The following KIAA0319 variants were observed in gnomAD, a reference collection of about 807,000 sequenced individuals.
KIAA0319 encodes the protein dyslexia-associated protein KIAA0319.
Under a neutral mutation model 108.4 loss-of-function variants are expected in KIAA0319, and 83 were observed. The observed-to-expected ratio is 0.77, with a 90% CI of 0.64 to 0.92. The LOEUF (loss-of-function observed/expected upper bound fraction) is 0.92. Ranked by LOEUF, KIAA0319 falls within the 40% of genes least tolerant of loss-of-function variation. KIAA0319 has a pLI of 0.00. For synonymous variants in KIAA0319, 484 were observed against 510.4 expected, an observed-to-expected ratio of 0.95 and a Z score of 0.70; for missense variants, 1,195 against 1,322.4, an observed-to-expected ratio of 0.90 and a Z score of 1.49.
rs1254375099 is a variant in KIAA0319, at chr6:24,609,866, CAACA to C, written c.-105-8662_-105-8659del. ...ATAGTCTTTTCAACAAATGATGCCA[CAACA>C]AACAGATACCAACATGCAAAAGAAT... On this transcript the variant is annotated intron_variant, in intron 1 of 20. Coordinates refer to ENST00000378214, the MANE Select transcript of KIAA0319 (RefSeq NM_014809.4). Among the ~76,000 whole-genome samples the C allele has an allele frequency of 2.0e-5, 3 of 152,170 alleles. No homozygotes were observed. The South Asian group carries it at 6.2e-4, about 32-fold the overall frequency.
At chr6:24,542,050 G>A (rs1760211583), downstream of KIAA0319, among the ~76,000 whole-genome samples, 1 of 152,198 alleles carries the variant, frequency 6.6e-6, no homozygotes, top group East Asian at 1.9e-4. Flanking sequence ...TGAGGCACAA[G>A]AATCACTTGA....
At chr6:24,542,368 A>C (rs1482663857), downstream of KIAA0319, among the ~76,000 whole-genome samples, 3 of 152,262 alleles carry the variant, frequency 2.0e-5, no homozygotes, top group African/African-American at 7.2e-5. Context: ...ATGTGAACAA[A>C]TATGAACTTG....
At chr6:24,557,528 T>C (rs1488270751) in intron 17 of KIAA0319, among the ~76,000 whole-genome samples, 1 of 152,174 alleles carries the variant, frequency 6.6e-6, no homozygotes, top group Non-Finnish European at 1.5e-5. Context: ...AAACATAACA[T>C]TGTCTGGCCT....
At chr6:24,581,515 G>A (rs574891725) in intron 6 of KIAA0319, among the ~76,000 whole-genome samples, 1 of 152,282 alleles carries the variant, frequency 6.6e-6, no homozygotes, top group Non-Finnish European at 1.5e-5. Context: ...AGGCCAGAAA[G>A]AGGGCATGTT....
chr6:24,576,494 A>G lies in KIAA0319; in HGVS notation c.1608T>C (p.Asn536=). 2 of 1,614,102 alleles carry G rather than the reference A, an allele frequency of 1.2e-6. No individual in the cohort carries two copies. The highest frequency in any genetic ancestry group is 1.7e-6 in the Non-Finnish European group (2 of 1,180,006). Residue 536 remains asparagine (N), a synonymous_variant, in exon 10 of 21, where the codon AAT becomes AAC. Transcript: ENST00000378214. ...DYPPVANAGP[N]HTITLPQNSI... is the part of the protein sequence containing the mutation. ...AGTTTTGGGGCAAAGTTATGGTGTG[A>G]TTTGGTCCTGCATTAGCAACTGGTG... is the stretch of plus-strand genomic sequence containing the variant.
At chr6:24,607,074 G>A (rs981003688) in intron 1 of KIAA0319, among the ~76,000 whole-genome samples, 2 of 152,254 alleles carry the variant, frequency 1.3e-5, no homozygotes, top group African/African-American at 2.4e-5. Context: ...TAAGAAGCCA[G>A]GCCAGGTGCG....
At chr6:24,562,867 A>G (rs1180686090) in intron 16 of KIAA0319, among the ~76,000 whole-genome samples, 2 of 152,142 alleles carry the variant, frequency 1.3e-5, no homozygotes, top group African/African-American at 4.8e-5. Flanking sequence ...AAAATAATAA[A>G]TAGATTAAAT....
intron 1 of KIAA0319, among the ~76,000 whole-genome samples, chr6:24,617,761 T>C (rs1773365150): frequency 6.6e-6 from 1 of 151,938 alleles, no homozygotes; most frequent in Non-Finnish European, 1.5e-5. Context: ...CTGATGCGGG[T>C]GGATCACCTG....
chr6:24,618,326 AGG>A (rs145006847), intron 1 of KIAA0319, among the ~76,000 whole-genome samples: 3,138 of 152,260 alleles, frequency 0.021, 51 homozygotes, highest in African/African-American at 0.037. Context: ...TCAAAATTAC[AGG>A]CCAAGTAGAA....
chr6:24,617,904 T>C (rs759018586), intron 1 of KIAA0319, among the ~76,000 whole-genome samples: 20 of 152,078 alleles, frequency 1.3e-4, no homozygotes, highest in Non-Finnish European at 2.4e-4. Context: ...GGAGAATCTC[T>C]TGAACCCAGG....
intron 4 of KIAA0319, among the ~76,000 whole-genome samples, chr6:24,586,767 CA>C (rs1216738067): frequency 6.6e-6 from 1 of 151,950 alleles, no homozygotes; most frequent in African/African-American, 2.4e-5. Flanking sequence ...TCTTTTGTTA[CA>C]GGGGCACTAG....
At chr6:24,573,648 A>G (rs1390197303) in intron 10 of KIAA0319, among the ~76,000 whole-genome samples, 3 of 152,252 alleles carry the variant, frequency 2.0e-5, no homozygotes, top group African/African-American at 7.2e-5. Context: ...ACACATGGAA[A>G]AGATTCTGGA....
At chr6:24,642,453 A>T (rs903407893) in intron 1 of KIAA0319, among the ~76,000 whole-genome samples, 1 of 152,214 alleles carries the variant, frequency 6.6e-6, no homozygotes, top group Non-Finnish European at 1.5e-5. Flanking sequence ...ACAATCTTAG[A>T]ATAACAGAAC....
At chr6:24,549,112 A>T (rs1437866629) in intron 20 of KIAA0319, among the ~76,000 whole-genome samples, 1 of 151,880 alleles carries the variant, frequency 6.6e-6, no homozygotes, top group Admixed American at 6.5e-5. Context: ...ACTTGACGTC[A>T]GGAGTTCGAG....
chr6:24,552,661 A>G (rs549316945), intron 19 of KIAA0319, among the ~76,000 whole-genome samples: 18 of 152,274 alleles, frequency 1.2e-4, no homozygotes, highest in Admixed American at 9.2e-4. Context: ...GCTGGAGTGC[A>G]ATGGTGCAAT....
At chr6:24,588,335 G>C (rs2127500791) in intron 4 of KIAA0319, among the ~76,000 whole-genome samples, 1 of 152,290 alleles carries the variant, frequency 6.6e-6, no homozygotes, top group East Asian at 1.9e-4. Context: ...TCCCACAGCA[G>C]CCTCTCACAG....
chr6:24,581,786 T>C (rs1766584924), intron 6 of KIAA0319, among the ~76,000 whole-genome samples: 1 of 152,240 alleles, frequency 6.6e-6, no homozygotes, highest in South Asian at 2.1e-4. Flanking sequence ...CTTAACCATC[T>C]GCCTGCCTAC....
At chr6:24,592,364 A>G (rs1349495620) in intron 3 of KIAA0319, among the ~76,000 whole-genome samples, 1 of 152,182 alleles carries the variant, frequency 6.6e-6, no homozygotes, top group African/African-American at 2.4e-5. Context: ...TGGTGAGAGA[A>G]AAGATCTTAG....
intron 1 of KIAA0319, among the ~76,000 whole-genome samples, chr6:24,620,313 T>C (rs1773748957): frequency 6.6e-6 from 1 of 152,216 alleles, no homozygotes; most frequent in African/African-American, 2.4e-5. Flanking sequence ...TGTGTTTTTG[T>C]TTTTTGAGAC....
Sources: gnomAD v4.1 joint callset for allele counts (sites outside exome capture counted in the v4.1 genomes callset) on GRCh38, gnomAD v4.1.1 for gene constraint, MANE v1.5 for transcripts, NCBI Gene and HGNC (gene_info 2026-07-23, HGNC 2026-07-21) for gene names.